The following TRABD2B variants were observed in gnomAD, a reference collection of about 807,000 sequenced individuals.
TRABD2B encodes metalloprotease TIKI2.
Under a neutral mutation model 40.1 loss-of-function variants are expected in TRABD2B, and 14 were observed. The observed-to-expected ratio is 0.35, with a 90% confidence interval of 0.23 to 0.55. TRABD2B has a LOEUF of 0.55. Ranked by LOEUF, TRABD2B falls within the 20% of genes least tolerant of loss-of-function variation. The pLI is 0.90. For missense variants in TRABD2B, 541 were observed against 648.6 expected (o/e 0.83, Z 1.80); for synonymous variants, 263 against 277.0 (o/e 0.95, Z 0.50).
At chr1:47,974,330 C>T (rs1054137912) in intron 2 of TRABD2B, among the ~76,000 whole-genome samples, 1 of 152,008 alleles carries the variant, frequency 6.6e-6, no homozygotes, top group African/African-American at 2.4e-5. Context: ...ACGTGCTGTT[C>T]CTTCTACCCA....
intron 2 of TRABD2B, among the ~76,000 whole-genome samples, chr1:47,973,513 G>A (rs1215373775): frequency 1.3e-5 from 2 of 152,192 alleles, no homozygotes; most frequent in South Asian, 2.1e-4. Flanking sequence ...AGTACTGTGT[G>A]TATACTCGTA....
intron 2 of TRABD2B, among the ~76,000 whole-genome samples, chr1:47,956,962 G>A (rs1044121237): frequency 1.3e-5 from 2 of 152,184 alleles, no homozygotes; most frequent in Non-Finnish European, 2.9e-5. Context: ...TCCCACTAGG[G>A]GCTGACTGAC....
At chr1:47,828,346 C>T (rs546759309) in intron 2 of TRABD2B, among the ~76,000 whole-genome samples, 4 of 152,280 alleles carry the variant, frequency 2.6e-5, no homozygotes, top group African/African-American at 2.4e-5. Context: ...AAGTCCCTGG[C>T]GTCCCCCTAT....
chr1:47,884,363 T>C (rs1474317085), intron 2 of TRABD2B, among the ~76,000 whole-genome samples: 1 of 152,238 alleles, frequency 6.6e-6, no homozygotes, highest in Non-Finnish European at 1.5e-5. Flanking sequence ...AGCAGATCTG[T>C]GGTGTTCACA....
intron 3 of TRABD2B, among the ~76,000 whole-genome samples, chr1:47,796,791 C>A (rs1222421260): frequency 6.6e-6 from 1 of 152,208 alleles, no homozygotes; most frequent in Non-Finnish European, 1.5e-5. Context: ...TCCCTACATA[C>A]CCCCTTTGAA....
intron 2 of TRABD2B, among the ~76,000 whole-genome samples, chr1:47,938,924 T>C (rs1165537201): frequency 1.2e-5 from 1 of 85,904 alleles, no homozygotes; most frequent in East Asian, 3.5e-4. Flanking sequence ...AGTAAGAGTG[T>C]GTGCATGAGA....
At chr1:47,979,113 A>T (rs2148438920) in intron 2 of TRABD2B, among the ~76,000 whole-genome samples, 1 of 152,274 alleles carries the variant, frequency 6.6e-6, no homozygotes, top group Middle Eastern at 3.4e-3. Context: ...GCACCCAAGG[A>T]CTGCCGTGGG....
intron 5 of TRABD2B, among the ~76,000 whole-genome samples, chr1:47,777,049 G>A (rs944779025): frequency 6.6e-6 from 1 of 152,176 alleles, no homozygotes; most frequent in Non-Finnish European, 1.5e-5. Flanking sequence ...GAGAGTCCTT[G>A]GAGCAGAGCC....
intron 4 of TRABD2B, among the ~76,000 whole-genome samples, chr1:47,787,903 A>G (rs1456750403): frequency 2.6e-5 from 4 of 152,144 alleles, no homozygotes. Flanking sequence ...GGCCTATGGG[A>G]GCCCAGAAGG....
At chr1:47,796,933 C>T (rs189772718) in intron 3 of TRABD2B, among the ~76,000 whole-genome samples, 1 of 152,318 alleles carries the variant, frequency 6.6e-6, no homozygotes, top group Admixed American at 6.5e-5. Context: ...GGAAATGTGA[C>T]CCTCACAGGT....
intron 4 of TRABD2B, among the ~76,000 whole-genome samples, chr1:47,793,878 C>A (rs11576439): frequency 0.24 from 36,218 of 151,986 alleles, 4,509 homozygotes; most frequent in East Asian, 0.45. Flanking sequence ...CATGTAGACT[C>A]CCCTTTGCAT....
chr1:47,948,121 A>G (rs1273644376), intron 2 of TRABD2B, among the ~76,000 whole-genome samples: 1 of 152,156 alleles, frequency 6.6e-6, no homozygotes, highest in Non-Finnish European at 1.5e-5. Flanking sequence ...CTGAAATTCT[A>G]ATGACGCAGG....
intron 2 of TRABD2B, among the ~76,000 whole-genome samples, chr1:47,864,782 A>G (rs986630705): frequency 1.3e-5 from 2 of 152,060 alleles, no homozygotes; most frequent in African/African-American, 4.8e-5. Flanking sequence ...AGGGGGCCCT[A>G]CTGCCTGAAA....
intron 2 of TRABD2B, among the ~76,000 whole-genome samples, chr1:47,832,197 G>C (rs965042934): frequency 6.6e-6 from 1 of 152,190 alleles, no homozygotes; most frequent in Non-Finnish European, 1.5e-5. Context: ...GCCAGGCATG[G>C]TGGCGGGTGC....
intron 2 of TRABD2B, among the ~76,000 whole-genome samples, chr1:47,881,148 C>G (rs1644297907): frequency 6.6e-6 from 1 of 152,144 alleles, no homozygotes; most frequent in Admixed American, 6.5e-5. Flanking sequence ...ATGGTCTGGT[C>G]CCATGCCCAT....
chr1:47,788,241 G>A (rs1433380228), intron 4 of TRABD2B, among the ~76,000 whole-genome samples: 1 of 152,174 alleles, frequency 6.6e-6, no homozygotes, highest in Non-Finnish European at 1.5e-5. Context: ...CTAACGTTAT[G>A]AATTTTAAAA....
intron 2 of TRABD2B, among the ~76,000 whole-genome samples, chr1:47,924,390 C>T (rs1470477311): frequency 1.3e-5 from 2 of 152,166 alleles, no homozygotes; most frequent in South Asian, 2.1e-4. Context: ...CTCTTCTCCC[C>T]AGCCTACACC....
chr1:47,968,835 T>C (rs1333771496), intron 2 of TRABD2B, among the ~76,000 whole-genome samples: 2 of 152,252 alleles, frequency 1.3e-5, no homozygotes, highest in African/African-American at 4.8e-5. Flanking sequence ...GAATGGAAGC[T>C]GCCTGAGGAC....
At chr1:47,894,235 CACTT>C (rs1264332737) in intron 2 of TRABD2B, among the ~76,000 whole-genome samples, 1 of 152,138 alleles carries the variant, frequency 6.6e-6, no homozygotes, top group Non-Finnish European at 1.5e-5. Flanking sequence ...CTGGCTCTGA[CACTT>C]AGTACTGTGA....
Sources: allele counts gnomAD v4.1 joint callset (sites outside exome capture counted in the v4.1 genomes callset), GRCh38; gene constraint gnomAD v4.1.1; transcripts MANE v1.5; gene names NCBI Gene and HGNC (gene_info 2026-07-23, HGNC 2026-07-21).